The following MFNG variants were observed in gnomAD, a reference collection of about 807,000 sequenced individuals.
The protein encoded by MFNG is MFNG O-fucosylpeptide 3-beta-N-acetylglucosaminyltransferase, also known as beta-1,3-N-acetylglucosaminyltransferase manic fringe.
MFNG carries 24 observed loss-of-function variants against 34.2 expected under a neutral mutation model. The observed-to-expected ratio is 0.70, with a 90% CI of 0.51 to 0.99. MFNG has a LOEUF of 0.99. MFNG is among the 50% of genes least tolerant of loss of function. The probability of loss-of-function intolerance (pLI) is 0.00; values close to 1 mark genes in which losing one functional copy is unlikely to be tolerated. For synonymous variants in MFNG, 158 were observed against 179.2 expected (o/e 0.88, Z 0.94); for missense variants, 383 against 424.0 (o/e 0.90, Z 0.85).
chr22:37,475,834 A>G (rs1319103719), intron 5 of MFNG, among the ~76,000 whole-genome samples: 1 of 152,236 alleles, frequency 6.6e-6, no homozygotes, highest in East Asian at 1.9e-4. Flanking sequence ...CACCCCAGGC[A>G]CACGGATGAC....
At position 37,482,775 on chromosome 22, in the gene MFNG, A is replaced by G. The variant is rs959237432; in HGVS notation, c.256-2006T>C. Among the ~76,000 whole-genome samples the G allele has an allele frequency of 1.3e-5, 2 of 152,012 alleles. No individual in the cohort carries two copies. Among genetic ancestry groups the G allele is most frequent in the Non-Finnish European group, 2.9e-5 (2 of 67,998 alleles). On this transcript the variant is annotated intron_variant, in intron 1 of 7. Coordinates refer to ENST00000356998, the MANE Select transcript of MFNG (RefSeq NM_002405.4). The surrounding 1 kb of genome is among the most constrained non-coding windows in gnomAD (Gnocchi z 4.1). Reference sequence around the variant, plus strand: ...GCTCCGGCACCTGGCTCTCCTCAGGAAGGCCTGTGCAGCATCCACCCTCTG... The same window carrying G: ...GCTCCGGCACCTGGCTCTCCTCAGGGAGGCCTGTGCAGCATCCACCCTCTG...
Position 37,486,347 on chromosome 22 carries a change from GCAGCACGATCT to G in MFNG, c.-181_-171del. 1.5e-6 allele frequency: 1 copy of G among 645,674 alleles called. No homozygotes were observed. The highest frequency in any genetic ancestry group is 2.3e-6 in the Non-Finnish European group (1 of 436,366). The allele number at this position is 645,674 out of a possible 1,614,324, so 40.0% of individuals were successfully genotyped here. A position where few individuals can be genotyped will look rare whatever the true frequency, so the allele number is the denominator to read the frequency against. On this transcript the variant is annotated 5_prime_UTR_variant, in exon 1 of 8. Coordinates refer to ENST00000356998, the MANE Select transcript of MFNG (RefSeq NM_002405.4). ...CTCTGGACCCAGAGGCTGAGCCATG[GCAGCACGATCT>G]CGACCGCCGCCAGTCCTCCACCTGC...
In MFNG at chr22:37,480,316, G is replaced by A; in HGVS notation, c.305-17C>T. 6.2e-7 allele frequency: 1 copy of A among 1,604,436 alleles called. No individual in the cohort carries two copies. The highest frequency in any genetic ancestry group is 8.5e-7 in the Non-Finnish European group (1 of 1,171,592). ...GGTGGGACCCTGGAGAAGTGAGGAG[G>A]AGTCAGGGGACCCTGCCCAGGTCCC... On this transcript the variant is annotated splice_polypyrimidine_tract_variant and intron_variant, in intron 2 of 7. Transcript: ENST00000356998.
intron 1 of MFNG, among the ~76,000 whole-genome samples, chr22:37,481,979 G>A (rs1838163136): frequency 6.6e-6 from 1 of 152,264 alleles, no homozygotes; most frequent in South Asian, 2.1e-4. Flanking sequence ...AGTAGTGGCT[G>A]TGAGAATAAA....
In MFNG at chr22:37,480,250, A is replaced by G; in HGVS notation, c.354T>C (p.Ala118=). The G allele has an allele frequency of 6.2e-7, 1 of 1,613,670 alleles. No individual in the cohort carries two copies. The highest frequency in any genetic ancestry group is 8.5e-7 in the Non-Finnish European group (1 of 1,179,594). The change falls in exon 3 of 8, where the codon GCT becomes GCC. Residue 118 remains alanine, a synonymous_variant. Coordinates refer to ENST00000356998, the MANE Select transcript of MFNG (RefSeq NM_002405.4). ...TNCSAEHSHP[A]LSCKMAAEFD... is the part of the protein sequence containing the mutation. ...ACTCAGCAGCCATCTTGCAGGACAG[A>G]GCTGGGTGGCTGTGTTCCGCGGAGC...
At position 37,479,470 on chromosome 22, in the gene MFNG, A is replaced by G. The variant is rs1230857663; in HGVS notation, c.436T>C (p.Tyr146His). Residue 146 changes from tyrosine to histidine, a missense_variant, in exon 4 of 8, where the codon TAT (tyrosine) becomes CAT (histidine). Tyr to His is a moderately conservative substitution (Grantham distance 83). Coordinates refer to ENST00000356998, the MANE Select transcript of MFNG (RefSeq NM_002405.4). Reference sequence around the variant, plus strand: ...TGCAGCAGCGCCCTTGGGTTCACATAGTTGTCATCGTCCACATGGCAGAAC... The same window carrying G: ...TGCAGCAGCGCCCTTGGGTTCACATGGTTGTCATCGTCCACATGGCAGAAC... ...RWFCHVDDDNYVNPRALLQLL... is the reference protein window; with the variant it reads ...RWFCHVDDDNHVNPRALLQLL... The G allele has an allele frequency of 1.9e-6, 3 of 1,610,774 alleles. No homozygotes were observed. Among genetic ancestry groups the G allele is most frequent in the South Asian group, 1.1e-5 (1 of 90,590 alleles).
Position 37,469,439 on chromosome 22 carries a change from C to T in MFNG, c.*524G>A, listed in dbSNP as rs1921707105. 1 of 228,982 alleles carries T rather than the reference C, an allele frequency of 4.4e-6. No homozygotes were observed. The highest frequency in any genetic ancestry group is 8.9e-6 in the Non-Finnish European group (1 of 112,470). 14.2% of individuals were successfully genotyped at this position (228,982 alleles called of 1,614,324 possible). A position where few individuals can be genotyped will look rare whatever the true frequency, so the allele number is the denominator to read the frequency against. ...TTCGCAAGGGGTGGGGAGCAAGGAG[C>T]TTTGGGAGACTGGTTGGCAACAACA... is the stretch of plus-strand genomic sequence containing the variant. On this transcript the variant is annotated 3_prime_UTR_variant, in exon 8 of 8. Coordinates refer to ENST00000356998, the MANE Select transcript of MFNG (RefSeq NM_002405.4).
At chr22:37,476,718 CCT>C (rs1402466794) in intron 5 of MFNG, among the ~76,000 whole-genome samples, 176 bp downstream of exon 5, 1 of 152,176 alleles carries the variant, frequency 6.6e-6, no homozygotes, top group Non-Finnish European at 1.5e-5. Context: ...CCGTGCAGCC[CCT>C]GAGGGCAGGT....
At chr22:37,470,310 CAA>C (rs1921750982) in intron 7 of MFNG, among the ~76,000 whole-genome samples, 2 of 152,130 alleles carry the variant, frequency 1.3e-5, no homozygotes, top group Non-Finnish European at 2.9e-5. Flanking sequence ...CCCTAAGAGA[CAA>C]ATCACCCCCA....
rs1040107835 is a variant in MFNG at position 37,482,666 on chromosome 22, C to G, written c.256-1897G>C. Among the ~76,000 whole-genome samples the G allele has an allele frequency of 1.3e-5, 2 of 152,152 alleles. No homozygotes were observed. The highest frequency in any genetic ancestry group is 2.4e-5 in the African/African-American group (1 of 41,422). On this transcript the variant is annotated intron_variant, in intron 1 of 7. Coordinates refer to ENST00000356998, the MANE Select transcript of MFNG (RefSeq NM_002405.4). This position sits in a 1 kb window ranked among gnomAD's most constrained non-coding sequence, Gnocchi z 4.1. The stretch of plus-strand genomic sequence containing the variant: ...CACTAACAGCAGTTAGCAAAACTCC[C>G]TGGTTACAGAAATTTCTCTCCCCGT...
chr22:37,482,410 C>T lies in MFNG; in HGVS notation c.256-1641G>A, dbSNP rs945281909. ...TACTTCCTGTCCACCCCTGGGGCTT[C>T]TCTCTCTGTCTCTCTCTCTCACACA... On this transcript the variant is annotated intron_variant, in intron 1 of 7. Coordinates refer to ENST00000356998, the MANE Select transcript of MFNG (RefSeq NM_002405.4). This position sits in a 1 kb window ranked among gnomAD's most constrained non-coding sequence, Gnocchi z 4.1. 6.1e-5 allele frequency among the ~76,000 whole-genome samples: 9 copies of T among 146,838 alleles called. No individual in the cohort carries two copies. Among genetic ancestry groups the T allele is most frequent in the African/African-American group, 2.4e-4 (9 of 38,180 alleles).
At position 37,486,104 on chromosome 22, in the gene MFNG, C is replaced by T. The variant is rs866227430; in HGVS notation, c.74G>A (p.Arg25Gln). The T allele has an allele frequency of 1.9e-6, 3 of 1,612,422 alleles. No individual in the cohort carries two copies. Among genetic ancestry groups the T allele is most frequent in the East Asian group, 2.2e-5 (1 of 44,824 alleles). Reference protein sequence around the residue: ...TLLCMGLLCLRYHLNLSPQRV... With the variant: ...TLLCMGLLCLQYHLNLSPQRV... ...CTGCGGGGACAGGTTCAAGTGGTACCGCAGACACAGGAGCCCCATGCACAG... is the reference window on the plus strand; with the variant it reads ...CTGCGGGGACAGGTTCAAGTGGTACTGCAGACACAGGAGCCCCATGCACAG... Residue 25 changes from arginine (R) to glutamine (Q), a missense_variant, in exon 1 of 8, where the codon CGG becomes CAG. Arg to Gln is a conservative substitution (Grantham distance 43, BLOSUM62 1). Transcript: ENST00000356998.
chr22:37,475,644 G>A (rs1353194229), intron 5 of MFNG, among the ~76,000 whole-genome samples: 1 of 152,066 alleles, frequency 6.6e-6, no homozygotes, highest in Non-Finnish European at 1.5e-5. Context: ...TTGTCCAAGG[G>A]GCAAGTGGGT....
rs551370835 is a variant in MFNG, at chr22:37,482,796, C to G, written c.256-2027G>C. On this transcript the variant is annotated intron_variant, in intron 1 of 7. Transcript: ENST00000356998. The surrounding 1 kb of genome is among the most constrained non-coding windows in gnomAD (Gnocchi z 4.1). ...CAGGAAGGCCTGTGCAGCATCCACCCTCTGAGCCTCTCTCCCTGGGGTCTG... is the reference window on the plus strand; with the variant it reads ...CAGGAAGGCCTGTGCAGCATCCACCGTCTGAGCCTCTCTCCCTGGGGTCTG... Among the ~76,000 whole-genome samples, 1 of 152,320 alleles carries G rather than the reference C, an allele frequency of 6.6e-6. No individual in the cohort carries two copies. Among genetic ancestry groups the G allele is most frequent in the South Asian group, 2.1e-4 (1 of 4,818 alleles).
rs763628395 is a variant in MFNG, at chr22:37,469,933, C to CTGCCCAACCTT, written c.*19_*29dup. The CTGCCCAACCTT allele has an allele frequency of 5.1e-6, 8 of 1,563,840 alleles. No homozygotes were observed. In the South Asian group the frequency reaches 7.0e-5, roughly 14 times the overall value. ...GGAGCCAAGGCACACCCAGAAGTCT[C>CTGCCCAACCTT]TGCCCAACCTTTGCCCAGCAGTTCA... On this transcript the variant is annotated 3_prime_UTR_variant, in exon 8 of 8. Transcript: ENST00000356998.
In MFNG at chr22:37,486,056, AG is replaced by A; in HGVS notation, c.121del (p.Leu41Ter). 1 of 1,613,838 alleles carries A rather than the reference AG, an allele frequency of 6.2e-7. No individual in the cohort carries two copies. Among genetic ancestry groups the A allele is most frequent in the Non-Finnish European group, 8.5e-7 (1 of 1,179,952 alleles). Reference sequence around the variant, plus strand: ...AGGGGGCCCCGGGTTCGGCTGGCTCAGCTCGGGGGTCCCTTGTACCCGCTGC... The same window carrying A: ...AGGGGGCCCCGGGTTCGGCTGGCTCACTCGGGGGTCCCTTGTACCCGCTGC... ...SPQRVQGTPE[L>X]SQPNPGPPKL... On this transcript the variant is annotated frameshift_variant, in exon 1 of 8. Transcript: ENST00000356998. LOFTEE classifies it high-confidence loss of function.
Position 37,479,430 on chromosome 22 carries a change from A to G in MFNG, c.476T>C (p.Phe159Ser), listed in dbSNP as rs1474243797. 6.2e-7 allele frequency: 1 copy of G among 1,609,426 alleles called. No individual in the cohort carries two copies. Among genetic ancestry groups the G allele is most frequent in the Non-Finnish European group, 8.5e-7 (1 of 1,177,962 alleles). The change falls in exon 4 of 8, where the codon TTC becomes TCC. Residue 159 changes from phenylalanine to serine, a missense_variant. By Grantham distance (155) the Phe-to-Ser change is radical. Transcript: ENST00000356998. Reference protein sequence around the residue: ...PRALLQLLRAFPLARDVYVGR... With the variant: ...PRALLQLLRASPLARDVYVGR... ...CACATAGACGTCGCGGGCCAGCGGGAAGGCTCTCAGAAGCTGCAGCAGCGC... is the reference window on the plus strand; with the variant it reads ...CACATAGACGTCGCGGGCCAGCGGGGAGGCTCTCAGAAGCTGCAGCAGCGC...
At position 37,469,481 on chromosome 22, in the gene MFNG, C is replaced by A. The variant is rs549930944; in HGVS notation, c.*482G>T. 3 of 266,938 alleles carry A rather than the reference C, an allele frequency of 1.1e-5. No homozygotes were observed. In the East Asian group the frequency reaches 2.9e-4, roughly 26 times the overall value. The allele number at this position is 266,938 out of a possible 1,614,324, so 16.5% of individuals were successfully genotyped here. ...GCAACAACAGCAGGTGCTGCAGACC[C>A]TGGATTCTGCCATCATTCCACCCAT... On this transcript the variant is annotated 3_prime_UTR_variant, in exon 8 of 8. Transcript: ENST00000356998.
chr22:37,472,295 G>T (rs1921843715), intron 7 of MFNG, 148 bp downstream of exon 7: 2 of 628,166 alleles, frequency 3.2e-6, no homozygotes, highest in Non-Finnish European at 5.4e-6. Flanking sequence ...GGCAGGGTCA[G>T]AAACTGAAAT....
Sources: gnomAD v4.1 joint callset for allele counts (sites outside exome capture counted in the v4.1 genomes callset) on GRCh38, gnomAD v4.1.1 for gene constraint, Gnocchi (gnomAD v3.1) non-coding constraint, MANE v1.5 for transcripts, NCBI Gene and HGNC (gene_info 2026-07-23, HGNC 2026-07-21) for gene names.